JCAD: variants seen among roughly 807,000 people sequenced by gnomAD.
JCAD encodes junctional cadherin 5 associated.
Under a neutral mutation model 98.0 loss-of-function variants are expected in JCAD, and 40 were observed. The ratio of observed to expected loss-of-function variants is 0.41; its 90% CI spans 0.32 to 0.53. JCAD has a LOEUF of 0.53. Among genes scored for constraint, JCAD ranks in the 20% least tolerant of loss-of-function variants. The pLI, the probability that JCAD is intolerant of heterozygous loss-of-function variation, is 0.31. For synonymous variants in JCAD, 691 were observed against 682.3 expected (o/e 1.01, Z -0.20); for missense variants, 1,705 against 1,738.1 (o/e 0.98, Z 0.34).
intron 2 of JCAD, among the ~76,000 whole-genome samples, chr10:30,036,214 C>T (rs538532617): frequency 1.7e-4 from 26 of 152,238 alleles, no homozygotes; most frequent in South Asian, 4.1e-4. Flanking sequence ...GAGGCTGAGG[C>T]GGACGGATCA....
rs548265553 is a variant in JCAD at position 30,024,769 on chromosome 10, C to CA, written c.4045+1333dup. ...GGAGTGCAGAGGCACAATCTCGGCT[C>CA]ACCACAAGCTCCGCCTCCCAGGTTC... On this transcript the variant is annotated intron_variant, in intron 3 of 3. Transcript: ENST00000375377. 4.3e-3 allele frequency among the ~76,000 whole-genome samples: 633 copies of CA among 148,606 alleles called. 5 individuals carry two copies. Among genetic ancestry groups the CA allele is most frequent in the African/African-American group, 0.015 (602 of 40,120 alleles).
At chr10:30,045,419 A>T (rs1837314240) in intron 2 of JCAD, among the ~76,000 whole-genome samples, 1 of 152,228 alleles carries the variant, frequency 6.6e-6, no homozygotes, top group African/African-American at 2.4e-5. Flanking sequence ...TGAGCACATG[A>T]GCATGTATTA....
At chr10:30,025,466 C>T (rs746088058) in intron 3 of JCAD, among the ~76,000 whole-genome samples, 37 of 139,206 alleles carry the variant, frequency 2.7e-4, no homozygotes, top group Non-Finnish European at 4.7e-4. Flanking sequence ...TGCAGTGAGC[C>T]GAGATCGTGC....
chr10:30,054,823 CCTCGCCCGGCTA>C (rs1837536408), intron 1 of JCAD, among the ~76,000 whole-genome samples: 1 of 151,840 alleles, frequency 6.6e-6, no homozygotes, highest in African/African-American at 2.4e-5. Context: ...GCGCCCGCCA[CCTCGCCCGGCTA>C]ATTTTTTGTA....
rs1300777397 is a variant in JCAD at position 30,014,059 on chromosome 10, T to C, written c.*3824A>G. The C allele has an allele frequency of 6.6e-6, 1 of 152,206 alleles. No individual in the cohort carries two copies. The highest frequency in any genetic ancestry group is 1.5e-5 in the Non-Finnish European group (1 of 68,044). The allele number at this position is 152,206 out of a possible 1,614,324, so 9.4% of individuals were successfully genotyped here. A position where few individuals can be genotyped will look rare whatever the true frequency, so the allele number is the denominator to read the frequency against. On this transcript the variant is annotated 3_prime_UTR_variant, in exon 4 of 4. Transcript: ENST00000375377. ...CCATTCTTCCTTTAATGTTATTTTATCATCTCCCCCTTCTTAGTGTGGTGG... is the reference window on the plus strand; with the variant it reads ...CCATTCTTCCTTTAATGTTATTTTACCATCTCCCCCTTCTTAGTGTGGTGG...
chr10:30,098,028 C>T (rs936073176), intron 1 of JCAD, among the ~76,000 whole-genome samples: 6 of 152,236 alleles, frequency 3.9e-5, no homozygotes, highest in Middle Eastern at 3.4e-3. Context: ...AAAATATGGA[C>T]GGTATTGCTG....
chr10:30,022,239 G>A (rs527249931), intron 3 of JCAD, among the ~76,000 whole-genome samples: 25 of 152,140 alleles, frequency 1.6e-4, no homozygotes, highest in Non-Finnish European at 1.0e-4. Context: ...TGACAGGCAC[G>A]GCACAAGGGT....
In JCAD at chr10:30,028,603, G is replaced by A; in HGVS notation, c.1545C>T (p.Asn515=). The A allele has an allele frequency of 6.2e-7, 1 of 1,613,140 alleles. No individual in the cohort carries two copies. The highest frequency in any genetic ancestry group is 8.5e-7 in the Non-Finnish European group (1 of 1,179,454). The stretch of plus-strand genomic sequence containing the variant: ...CCCTTGCCACACAGCGGTCTCTCTG[G>A]TTGGGGAGGCCACTGTTTTCCCCAT... ...PGDGENSGLP[N]QRDRCVARGQ... is the part of the protein sequence containing the mutation. The change falls in exon 3 of 4, where the codon AAC becomes AAT. Residue 515 remains asparagine, a synonymous_variant. Transcript: ENST00000375377.
rs544027562 is a variant in JCAD at position 30,103,062 on chromosome 10, A to C, written n.128+12305T>G. Among the ~76,000 whole-genome samples, 4 of 152,338 alleles carry C rather than the reference A, an allele frequency of 2.6e-5. No homozygotes were observed. The South Asian group carries it at 8.3e-4, about 32-fold the overall frequency. ...TTGAAGATGAGGTTTGGGTGGGGAC[A>C]CAGCCAAACCATATGACTGATTTCT... On this transcript the variant is annotated intron_variant and non_coding_transcript_variant, in intron 1 of 2. Transcript: ENST00000465712.
chr10:30,087,847 T>TTTGC (rs1159627399), intron 1 of JCAD, among the ~76,000 whole-genome samples: 3 of 152,220 alleles, frequency 2.0e-5, no homozygotes, highest in Non-Finnish European at 4.4e-5. Flanking sequence ...GTAACCTTTG[T>TTTGC]TTGTTTGTTT....
At chr10:30,109,897 T>C (rs759993756) in intron 1 of JCAD, among the ~76,000 whole-genome samples, 6 of 151,836 alleles carry the variant, frequency 4.0e-5, no homozygotes, top group Non-Finnish European at 7.4e-5. Flanking sequence ...AGCAGATGTA[T>C]GGACCAGTTG....
chr10:30,039,389 C>A (rs1837194859), intron 2 of JCAD, among the ~76,000 whole-genome samples: 1 of 152,260 alleles, frequency 6.6e-6, no homozygotes, highest in Admixed American at 6.5e-5. Flanking sequence ...CCCTTCCCAC[C>A]TGATGGGTGG....
At chr10:30,057,518 A>C (rs1837597915) in intron 1 of JCAD, among the ~76,000 whole-genome samples, 1 of 152,076 alleles carries the variant, frequency 6.6e-6, no homozygotes, top group Admixed American at 6.6e-5. Context: ...AACCCTGATG[A>C]CTTTGTCAAG....
intron 3 of JCAD, among the ~76,000 whole-genome samples, chr10:30,021,772 T>C (rs2105330): frequency 0.071 from 10,803 of 152,190 alleles, 511 homozygotes; most frequent in African/African-American, 0.13. Context: ...AGCACAGGTC[T>C]AGAGGGTAGG....
At chr10:30,019,637 T>G (rs1836615921) in intron 3 of JCAD, among the ~76,000 whole-genome samples, 2 of 151,718 alleles carry the variant, frequency 1.3e-5, no homozygotes, top group Admixed American at 1.3e-4. Context: ...GGGGAAATAC[T>G]GGCCAAAGGG....
At chr10:30,090,299 T>G (rs1210137687) in intron 1 of JCAD, among the ~76,000 whole-genome samples, 1 of 152,224 alleles carries the variant, frequency 6.6e-6, no homozygotes, top group African/African-American at 2.4e-5. Context: ...CCCAACACTT[T>G]GGGAGGCTGA....
chr10:30,089,006 C>A (rs1355690063), intron 1 of JCAD, among the ~76,000 whole-genome samples: 1 of 152,018 alleles, frequency 6.6e-6, no homozygotes, highest in Non-Finnish European at 1.5e-5. Flanking sequence ...GCACATTAAC[C>A]AAAATGGAGC....
In JCAD at chr10:30,097,157, T is replaced by C. The variant is rs150556727; in HGVS notation, n.128+18210A>G. 3.3e-5 allele frequency among the ~76,000 whole-genome samples: 5 copies of C among 152,310 alleles called. No individual in the cohort carries two copies. The East Asian group carries it at 5.8e-4, about 18-fold the overall frequency. Reference sequence around the variant, plus strand: ...CTCAAACCAAATCTGCACTGTCTAATATGGTGGGCACTGGCCACGTGCAGC... The same window carrying C: ...CTCAAACCAAATCTGCACTGTCTAACATGGTGGGCACTGGCCACGTGCAGC... On this transcript the variant is annotated intron_variant and non_coding_transcript_variant, in intron 1 of 2. Transcript: ENST00000465712.
intron 2 of JCAD, among the ~76,000 whole-genome samples, chr10:30,046,117 G>C (rs1052269363): frequency 6.6e-6 from 1 of 152,096 alleles, no homozygotes; most frequent in Non-Finnish European, 1.5e-5. Context: ...TCTAACTGCT[G>C]ACATGCAGTT....
Sources: gnomAD v4.1 joint callset for allele counts (sites outside exome capture counted in the v4.1 genomes callset) on GRCh38, gnomAD v4.1.1 for gene constraint, MANE v1.5 for transcripts, NCBI Gene and HGNC (gene_info 2026-07-23, HGNC 2026-07-21) for gene names.